FAT3: variants seen among roughly 807,000 people sequenced by gnomAD.
FAT3 encodes the protein protocadherin Fat 3.
FAT3 carries 95 observed loss-of-function variants against 310.2 expected under a neutral mutation model. The observed-to-expected ratio is 0.31, with a 90% CI of 0.26 to 0.36. The LOEUF (loss-of-function observed/expected upper bound fraction) is 0.36. Ranked by LOEUF, FAT3 falls within the 10% of genes least tolerant of loss-of-function variation. The pLI is 1.00. For synonymous variants in FAT3, 2,314 were observed against 2,192.9 expected (o/e 1.06, Z -1.54); for missense variants, 5,408 against 5,715.6 (o/e 0.95, Z 1.74).
intron 2 of FAT3, among the ~76,000 whole-genome samples, chr11:92,425,218 T>C (rs1950605287): frequency 6.6e-6 from 1 of 152,036 alleles, no homozygotes; most frequent in African/African-American, 2.4e-5. Flanking sequence ...TTTAAAAAGG[T>C]ATTTTTCTGG....
rs1027658113 is a variant in FAT3 at position 92,894,319 on chromosome 11, G to C, written c.*3206G>C. On this transcript the variant is annotated 3_prime_UTR_variant, in exon 28 of 28. Transcript: ENST00000525166. ...CAGCTCAGACCAGTCATCAGTTGTA[G>C]TGAAACTTTGATTATACTGTTACCT... The C allele has an allele frequency of 1.3e-5, 2 of 152,186 alleles. No individual in the cohort carries two copies. The highest frequency in any genetic ancestry group is 4.8e-5 in the African/African-American group (2 of 41,438). The allele number at this position is 152,186 out of a possible 1,614,324, so 9.4% of individuals were successfully genotyped here.
chr11:92,675,522 A>G (rs1943259635), intron 3 of FAT3, among the ~76,000 whole-genome samples: 1 of 152,192 alleles, frequency 6.6e-6, no homozygotes, highest in African/African-American at 2.4e-5. Flanking sequence ...TGGAGAGATA[A>G]CAGTCTTTAT....
intron 1 of FAT3, among the ~76,000 whole-genome samples, chr11:92,351,667 A>ATTTTTT (rs33991336): frequency 1.3e-5 from 2 of 150,066 alleles, no homozygotes; most frequent in African/African-American, 4.9e-5. Context: ...GCATCTCTTC[A>ATTTTTT]TTTTTTTTTT....
intron 2 of FAT3, among the ~76,000 whole-genome samples, chr11:92,472,685 C>A (rs373916508): frequency 6.6e-6 from 1 of 152,192 alleles, no homozygotes; most frequent in East Asian, 1.9e-4. Context: ...ACTACTAACA[C>A]CCTCTCCATG....
chr11:92,345,152 A>G (rs373937244), intron 1 of FAT3, among the ~76,000 whole-genome samples: 15 of 152,188 alleles, frequency 9.9e-5, no homozygotes, highest in Non-Finnish European at 1.8e-4. Context: ...TATAATTCCT[A>G]TTTGGACTGA....
At chr11:92,321,665 C>A (rs1947623340) in intron 1 of FAT3, among the ~76,000 whole-genome samples, 1 of 152,142 alleles carries the variant, frequency 6.6e-6, no homozygotes, top group Non-Finnish European at 1.5e-5. Flanking sequence ...CATTTCAGAG[C>A]AAGCTACGGA....
intron 1 of FAT3, among the ~76,000 whole-genome samples, chr11:92,277,436 A>G (rs1946302243): frequency 6.6e-6 from 1 of 152,160 alleles, no homozygotes; most frequent in Non-Finnish European, 1.5e-5. Context: ...ACGATTCACA[A>G]CAGCAAGACA....
intron 2 of FAT3, among the ~76,000 whole-genome samples, chr11:92,363,367 C>T (rs1948927670): frequency 6.6e-6 from 1 of 152,122 alleles, no homozygotes; most frequent in Admixed American, 6.6e-5. Context: ...AGCTTCAGCC[C>T]AGATATTTAA....
At chr11:92,503,922 G>A (rs776090530) in intron 2 of FAT3, among the ~76,000 whole-genome samples, 1 of 152,088 alleles carries the variant, frequency 6.6e-6, no homozygotes, top group South Asian at 2.1e-4. Context: ...TTGAAGCAGT[G>A]TCATTTTATA....
chr11:92,349,017 A>G (rs1948489635), intron 1 of FAT3, among the ~76,000 whole-genome samples: 1 of 152,078 alleles, frequency 6.6e-6, no homozygotes, highest in Non-Finnish European at 1.5e-5. Context: ...TAGAAGTTCA[A>G]AGTGTGAATG....
intron 2 of FAT3, among the ~76,000 whole-genome samples, chr11:92,397,003 T>A (rs1949884504): frequency 6.6e-6 from 1 of 152,152 alleles, no homozygotes; most frequent in Non-Finnish European, 1.5e-5. Flanking sequence ...CACCACGCCT[T>A]GGCCCTCTTT....
intron 4 of FAT3, among the ~76,000 whole-genome samples, chr11:92,722,267 G>A (rs1197834148): frequency 6.6e-6 from 1 of 152,060 alleles, no homozygotes; most frequent in Non-Finnish European, 1.5e-5. Flanking sequence ...CAAAACAAAG[G>A]GGTTACAGGC....
At chr11:92,792,197 A>T (rs2136162045) in intron 8 of FAT3, among the ~76,000 whole-genome samples, 1 of 152,314 alleles carries the variant, frequency 6.6e-6, no homozygotes, top group African/African-American at 2.4e-5. Flanking sequence ...CTTAGCCCTG[A>T]GCATTATACC....
At chr11:92,574,872 C>A (rs1938387585) in intron 3 of FAT3, among the ~76,000 whole-genome samples, 1 of 152,120 alleles carries the variant, frequency 6.6e-6, no homozygotes. Context: ...GTGATGCTCT[C>A]ATTATCTGCA....
chr11:92,234,868 C>T (rs1165824590), intron 1 of FAT3, among the ~76,000 whole-genome samples: 3 of 148,676 alleles, frequency 2.0e-5, no homozygotes, highest in East Asian at 4.0e-4. Context: ...TGCCATTGAA[C>T]TCCAGCCTGG....
chr11:92,581,458 T>G (rs952651417), intron 3 of FAT3, among the ~76,000 whole-genome samples: 2 of 152,086 alleles, frequency 1.3e-5, no homozygotes, highest in Admixed American at 6.6e-5. Context: ...TCATTTTTTT[T>G]GTAACAGTTC....
intron 2 of FAT3, among the ~76,000 whole-genome samples, chr11:92,387,430 G>A (rs747300579): frequency 6.6e-6 from 1 of 152,088 alleles, no homozygotes; most frequent in African/African-American, 2.4e-5. Flanking sequence ...GGAAAAGGTG[G>A]TGGGATAGAC....
At chr11:92,370,464 C>A (rs890096772) in intron 2 of FAT3, among the ~76,000 whole-genome samples, 4 of 152,192 alleles carry the variant, frequency 2.6e-5, no homozygotes, top group African/African-American at 9.7e-5. Context: ...ATACGTATCA[C>A]ACATCTCTCC....
At chr11:92,610,554 G>A (rs1288489523) in intron 3 of FAT3, among the ~76,000 whole-genome samples, 4 of 151,740 alleles carry the variant, frequency 2.6e-5, no homozygotes, top group African/African-American at 7.3e-5. Flanking sequence ...TTTCTCCTTC[G>A]AAGTTACAGG....
Sources: gnomAD v4.1 joint callset for allele counts (sites outside exome capture counted in the v4.1 genomes callset) on GRCh38, gnomAD v4.1.1 for gene constraint, MANE v1.5 for transcripts, NCBI Gene and HGNC (gene_info 2026-07-23, HGNC 2026-07-21) for gene names.